Variants in SLC44A3 observed in about 807,000 individuals in gnomAD.
The protein encoded by SLC44A3 is choline transporter-like protein 3.
In SLC44A3, 74 loss-of-function variants were observed where a neutral mutation model predicts 75.4. The observed-to-expected ratio is 0.98, with a 90% CI of 0.81 to 1.19. SLC44A3 has a LOEUF of 1.19. Among genes scored for constraint, SLC44A3 ranks in the 50% most tolerant of loss-of-function variants. SLC44A3 has a pLI of 0.00. For synonymous variants in SLC44A3, 310 were observed against 296.9 expected, an observed-to-expected ratio of 1.04 and a Z score of -0.45; for missense variants, 700 against 778.6, an observed-to-expected ratio of 0.90 and a Z score of 1.20.
chr1:94,875,174 C>T (rs1668147620), intron 12 of SLC44A3, among the ~76,000 whole-genome samples: 1 of 152,104 alleles, frequency 6.6e-6, no homozygotes, highest in South Asian at 2.1e-4. Flanking sequence ...TCTGCTGCTC[C>T]CTCCAAATTT....
chr1:94,893,526 G>A (rs180936799), intron 14 of SLC44A3, among the ~76,000 whole-genome samples: 154 of 152,002 alleles, frequency 1.0e-3, no homozygotes, highest in Non-Finnish European at 1.4e-3. Context: ...GATTACAGGC[G>A]TGCACCACCA....
intron 4 of SLC44A3, 118 bp downstream of exon 4, chr1:94,827,761 G>A (rs1250563446): frequency 8.0e-6 from 10 of 1,253,462 alleles, no homozygotes; most frequent in Non-Finnish European, 1.1e-5. Context: ...TTACTTCCTT[G>A]TGGGTGCCTC....
At chr1:94,848,418 C>G (rs1267119414) in intron 9 of SLC44A3, among the ~76,000 whole-genome samples, 1 of 152,056 alleles carries the variant, frequency 6.6e-6, no homozygotes, top group Non-Finnish European at 1.5e-5. Flanking sequence ...CACTGTAGGG[C>G]TTGAACCCTA....
At chr1:94,847,877 C>T (rs1664620425) in intron 9 of SLC44A3, among the ~76,000 whole-genome samples, 1 of 152,204 alleles carries the variant, frequency 6.6e-6, no homozygotes. Flanking sequence ...GGAGCCTGTG[C>T]TCTTTCCACT....
At chr1:94,841,498 G>T (rs1017488162) in intron 7 of SLC44A3, among the ~76,000 whole-genome samples, 1 of 152,144 alleles carries the variant, frequency 6.6e-6, no homozygotes, top group East Asian at 1.9e-4. Context: ...CCTAAATGTG[G>T]AGTACTTGCA....
At position 94,867,359 on chromosome 1, in the gene SLC44A3, T is replaced by C. The variant is rs750962141; in HGVS notation, c.1424T>C (p.Phe475Ser). 6.2e-7 allele frequency: 1 copy of C among 1,602,114 alleles called. No homozygotes were observed. The highest frequency in any genetic ancestry group is 1.1e-5 in the South Asian group (1 of 89,200). ...QQHGALSRYL[F>S]RCCYCCFWCL... ...CATGGTGCATTGTCCAGGTACCTGT[T>C]CCGATGCTGCTACTGCTGTTTCTGG... The change falls in exon 12 of 15, where the codon TTC (phenylalanine) becomes TCC (serine). Residue 475 changes from phenylalanine (F) to serine (S), a missense_variant. By Grantham distance (155) the Phe-to-Ser change is radical. Coordinates refer to ENST00000271227, the MANE Select transcript of SLC44A3 (RefSeq NM_001114106.3).
chr1:94,885,321 G>A (rs1441044620), intron 12 of SLC44A3, among the ~76,000 whole-genome samples: 1 of 151,102 alleles, frequency 6.6e-6, no homozygotes, highest in African/African-American at 2.4e-5. Flanking sequence ...CTAATGAGAC[G>A]ATGATCCGAG....
intron 12 of SLC44A3, among the ~76,000 whole-genome samples, chr1:94,882,222 A>C (rs139828525): frequency 1.6e-4 from 24 of 152,292 alleles, no homozygotes; most frequent in African/African-American, 5.8e-4. Context: ...GATGAAGAGC[A>C]TGTCCAGGGT....
At position 94,824,518 on chromosome 1, in the gene SLC44A3, T is replaced by C. The variant is rs1364633107; in HGVS notation, c.161T>C (p.Val54Ala). 1.9e-6 allele frequency: 3 copies of C among 1,609,134 alleles called. No homozygotes were observed. Among genetic ancestry groups the C allele is most frequent in the Non-Finnish European group, 2.5e-6 (3 of 1,178,694 alleles). Residue 54 changes from valine to alanine, a missense_variant, in exon 3 of 15, where the codon GTG becomes GCG. By Grantham distance (64) the Val-to-Ala change is moderately conservative. Coordinates refer to ENST00000271227, the MANE Select transcript of SLC44A3 (RefSeq NM_001114106.3). ...GLVFIMGYSV[V>A]AGAAGRLLFG... Reference sequence around the variant, plus strand: ...GTGTTTATCATGGGCTACTCGGTGGTGGCTGGAGCCGCGGGAAGACTCCTC... The same window carrying C: ...GTGTTTATCATGGGCTACTCGGTGGCGGCTGGAGCCGCGGGAAGACTCCTC...
chr1:94,872,016 G>C (rs533794164), intron 12 of SLC44A3, among the ~76,000 whole-genome samples: 4 of 152,322 alleles, frequency 2.6e-5, no homozygotes, highest in Non-Finnish European at 5.9e-5. Context: ...GCTACCACCA[G>C]TGTTGCCTTG....
chr1:94,827,454 G>T, intron 3 of SLC44A3, 53 bp from the exon 4 acceptor site: 1 of 1,607,522 alleles, frequency 6.2e-7, no homozygotes. Flanking sequence ...CCACAATTAA[G>T]ACCAGTGAGA....
At chr1:94,887,926 G>GA (rs1669771534) in intron 12 of SLC44A3, among the ~76,000 whole-genome samples, 1 of 152,190 alleles carries the variant, frequency 6.6e-6, no homozygotes, top group Non-Finnish European at 1.5e-5. Flanking sequence ...CACCTCCTCA[G>GA]GTGCTTAAAG....
intron 2 of SLC44A3, among the ~76,000 whole-genome samples, chr1:94,822,714 C>T (rs544767026): frequency 6.6e-6 from 1 of 152,306 alleles, no homozygotes; most frequent in South Asian, 2.1e-4. Context: ...CCTCTACTTA[C>T]CCCTCCAGTA....
At chr1:94,868,267 A>G (rs1314551642) in intron 12 of SLC44A3, among the ~76,000 whole-genome samples, 1 of 152,194 alleles carries the variant, frequency 6.6e-6, no homozygotes, top group African/African-American at 2.4e-5. Context: ...GTTCACAGAA[A>G]TCTCACTTAG....
At chr1:94,894,738 G>A in intron 14 of SLC44A3, 80 bp from the exon 15 acceptor site, 1 of 1,174,982 alleles carries the variant, frequency 8.5e-7, no homozygotes, top group Non-Finnish European at 1.2e-6. Flanking sequence ...AGAGGGCAAA[G>A]GAGAAGTTTT....
intron 6 of SLC44A3, 97 bp from the exon 7 acceptor site, chr1:94,839,851 C>T (rs1254627553): frequency 1.7e-5 from 14 of 827,720 alleles, no homozygotes; most frequent in South Asian, 1.6e-4. Context: ...AATCCTCAGC[C>T]GTCACTGTTC....
At chr1:94,882,182 T>G (rs1669081665) in intron 12 of SLC44A3, among the ~76,000 whole-genome samples, 1 of 152,114 alleles carries the variant, frequency 6.6e-6, no homozygotes, top group South Asian at 2.1e-4. Flanking sequence ...ATTATCCCCA[T>G]TGTACAAATG....
intron 8 of SLC44A3, chr1:94,843,073 G>A (rs1013805068): frequency 6.6e-6 from 1 of 152,388 alleles, no homozygotes; most frequent in Admixed American, 6.5e-5. Context: ...GAGATGAAAG[G>A]GCTTCCCCAT....
chr1:94,893,342 T>C (rs1670425847), intron 14 of SLC44A3, among the ~76,000 whole-genome samples: 1 of 152,216 alleles, frequency 6.6e-6, no homozygotes, highest in Non-Finnish European at 1.5e-5. Flanking sequence ...TTATAATTAA[T>C]GTATCCTCAT....
Sources: allele counts gnomAD v4.1 joint callset (sites outside exome capture counted in the v4.1 genomes callset), GRCh38; gene constraint gnomAD v4.1.1; transcripts MANE v1.5; gene names NCBI Gene and HGNC (gene_info 2026-07-23, HGNC 2026-07-21).